The following TAFA2 variants were observed in gnomAD, a reference collection of about 807,000 sequenced individuals.
The protein encoded by TAFA2 is TAFA chemokine like family member 2.
A neutral mutation model predicts 18.8 loss-of-function variants in TAFA2; 7 were observed. The observed-to-expected ratio is 0.37, with a 90% confidence interval of 0.21 to 0.70. TAFA2 has a LOEUF of 0.70. Ranked by LOEUF, TAFA2 falls within the 30% of genes least tolerant of loss-of-function variation. The pLI is 0.53. For synonymous variants in TAFA2, 60 were observed against 54.2 expected (o/e 1.11, Z -0.47); for missense variants, 122 against 158.1 (o/e 0.77, Z 1.23).
rs11834162 is a variant in TAFA2, at chr12:61,743,046, T to C, written c.384+10576A>G. On this transcript the variant is annotated intron_variant, in intron 4 of 4. Coordinates refer to ENST00000416284, the MANE Select transcript of TAFA2 (RefSeq NM_178539.5). ...GAGAAAAAATCCAAATCTTTTAACA[T>C]GGTATTTAAAAGCCCATCATGATAC... 4.7e-3 allele frequency among the ~76,000 whole-genome samples: 715 copies of C among 152,100 alleles called. 8 individuals carry two copies. The highest frequency in any genetic ancestry group is 0.014 in the African/African-American group (585 of 41,524).
chr12:62,209,882 C>T (rs2062706537), intron 1 of TAFA2, among the ~76,000 whole-genome samples: 1 of 152,182 alleles, frequency 6.6e-6, no homozygotes, highest in Admixed American at 6.5e-5. Flanking sequence ...GATTAAGTAA[C>T]TTGCCCAAGC....
chr12:62,221,469 G>A (rs1361513687), intron 1 of TAFA2, among the ~76,000 whole-genome samples: 1 of 151,884 alleles, frequency 6.6e-6, no homozygotes, highest in African/African-American at 2.4e-5. Context: ...ATTAGTTCAG[G>A]GAAACTAATA....
intron 1 of TAFA2, among the ~76,000 whole-genome samples, chr12:62,223,701 T>G (rs1316178335): frequency 6.6e-6 from 1 of 152,150 alleles, no homozygotes; most frequent in Non-Finnish European, 1.5e-5. Context: ...AAACATTTCA[T>G]GATATTGGAT....
At chr12:61,997,062 T>C (rs1446580343) in intron 1 of TAFA2, among the ~76,000 whole-genome samples, 1 of 152,048 alleles carries the variant, frequency 6.6e-6, no homozygotes. Flanking sequence ...GGAGGTTGTA[T>C]TCCAGCAGGA....
chr12:62,216,074 G>A (rs2062734657), intron 1 of TAFA2, among the ~76,000 whole-genome samples: 1 of 152,166 alleles, frequency 6.6e-6, no homozygotes, highest in Non-Finnish European at 1.5e-5. Flanking sequence ...AATGTTTCAA[G>A]GACTTTTGGA....
intron 1 of TAFA2, among the ~76,000 whole-genome samples, chr12:61,967,672 T>A (rs1879114379): frequency 6.6e-6 from 1 of 151,846 alleles, no homozygotes. Context: ...AAGCATCCAT[T>A]TTTAGAATAC....
At chr12:61,938,230 TAAAAAAAAAA>T (rs1157161976) in intron 1 of TAFA2, among the ~76,000 whole-genome samples, 3 of 98,484 alleles carry the variant, frequency 3.0e-5, no homozygotes, top group African/African-American at 7.6e-5. Context: ...ATAGATATGG[TAAAAAAAAAA>T]AAAAAAAAAA....
chr12:61,910,744 A>G (rs1876574761), intron 1 of TAFA2, among the ~76,000 whole-genome samples: 1 of 152,188 alleles, frequency 6.6e-6, no homozygotes, highest in Non-Finnish European at 1.5e-5. Context: ...GGGTCTTGAA[A>G]CTACTTAAAG....
At chr12:61,915,344 A>G (rs1876778913) in intron 1 of TAFA2, among the ~76,000 whole-genome samples, 1 of 152,168 alleles carries the variant, frequency 6.6e-6, no homozygotes, top group Non-Finnish European at 1.5e-5. Context: ...CATCCCATAT[A>G]TTCCAGAAAT....
At chr12:61,768,011 C>A (rs1377332996) in intron 2 of TAFA2, among the ~76,000 whole-genome samples, 1 of 152,008 alleles carries the variant, frequency 6.6e-6, no homozygotes, top group Non-Finnish European at 1.5e-5. Context: ...CACTTGTCAG[C>A]AAGTCAAGAA....
intron 2 of TAFA2, among the ~76,000 whole-genome samples, chr12:61,830,048 C>T (rs2121088131): frequency 6.6e-6 from 1 of 151,460 alleles, no homozygotes; most frequent in East Asian, 1.9e-4. Context: ...TAAAAAAATA[C>T]TTGTACTGGT....
At chr12:61,875,553 T>G (rs1874806000) in intron 1 of TAFA2, among the ~76,000 whole-genome samples, 1 of 152,112 alleles carries the variant, frequency 6.6e-6, no homozygotes, top group Non-Finnish European at 1.5e-5. Flanking sequence ...CTAACAAAGC[T>G]AAAATATAAA....
chr12:61,969,448 A>T (rs1284833717), intron 1 of TAFA2, among the ~76,000 whole-genome samples: 2 of 151,824 alleles, frequency 1.3e-5, no homozygotes, highest in South Asian at 2.1e-4. Flanking sequence ...TTAAAATATT[A>T]GACTATTTTT....
chr12:62,219,595 T>C (rs2136977670), intron 1 of TAFA2, among the ~76,000 whole-genome samples: 1 of 152,296 alleles, frequency 6.6e-6, no homozygotes, highest in East Asian at 1.9e-4. Context: ...AAGAAACTTA[T>C]TTTCTAAAGA....
chr12:62,005,881 TCTGAGAAAGAAATAA>T (rs1565713010), intron 1 of TAFA2, among the ~76,000 whole-genome samples: 2 of 152,142 alleles, frequency 1.3e-5, no homozygotes, highest in East Asian at 3.8e-4. Context: ...AAAAAACATG[TCTGAGAAAGAAATAA>T]CTGCAAAATC....
chr12:62,102,508 T>C (rs1239464085), intron 1 of TAFA2, among the ~76,000 whole-genome samples: 3 of 152,320 alleles, frequency 2.0e-5, no homozygotes, highest in East Asian at 1.9e-4. Context: ...GTGTTCCACA[T>C]TGTTGCACCA....
At chr12:61,843,530 T>C (rs2121133636) in intron 2 of TAFA2, among the ~76,000 whole-genome samples, 1 of 152,162 alleles carries the variant, frequency 6.6e-6, no homozygotes, top group East Asian at 1.9e-4. Context: ...AGTCTGTTTT[T>C]GATGATTAAT....
At chr12:62,188,331 G>A (rs1480826385) in intron 1 of TAFA2, among the ~76,000 whole-genome samples, 1 of 152,146 alleles carries the variant, frequency 6.6e-6, no homozygotes, top group Non-Finnish European at 1.5e-5. Context: ...GTGACTTAAT[G>A]AGGCATCCCT....
At chr12:62,141,673 C>T (rs1262461211) in intron 1 of TAFA2, among the ~76,000 whole-genome samples, 3 of 152,114 alleles carry the variant, frequency 2.0e-5, no homozygotes, top group East Asian at 1.9e-4. Context: ...CTTTTTAAAA[C>T]TTTCCTAAAC....
Sources: gnomAD v4.1 joint callset for allele counts (sites outside exome capture counted in the v4.1 genomes callset) on GRCh38, gnomAD v4.1.1 for gene constraint, MANE v1.5 for transcripts, NCBI Gene and HGNC (gene_info 2026-07-23, HGNC 2026-07-21) for gene names.